PARD3B: variants seen among roughly 807,000 people sequenced by gnomAD.
PARD3B encodes par-3 family cell polarity regulator beta.
PARD3B carries 103 observed loss-of-function variants against 130.2 expected under a neutral mutation model. The observed-to-expected ratio is 0.79, with a 90% CI of 0.67 to 0.93. The LOEUF (loss-of-function observed/expected upper bound fraction) is 0.93. Ranked by LOEUF, PARD3B falls within the 40% of genes least tolerant of loss-of-function variation. The pLI is 0.00. For synonymous variants in PARD3B, 583 were observed against 553.2 expected, an observed-to-expected ratio of 1.05 and a Z score of -0.76; for missense variants, 1,609 against 1,499.2, an observed-to-expected ratio of 1.07 and a Z score of -1.21.
rs529437340 is a variant in PARD3B at position 204,967,453 on chromosome 2, A to T, written c.394+2130A>T. On this transcript the variant is annotated intron_variant, in intron 3 of 22. Transcript: ENST00000406610. The surrounding 1 kb of genome is among the most constrained non-coding windows in gnomAD (Gnocchi z 4.4). Reference sequence around the variant, plus strand: ...GCTGCCTTTCTAAATCACAAATCTGATTATGTAATATAACTCCCCTGCTTA... The same window carrying T: ...GCTGCCTTTCTAAATCACAAATCTGTTTATGTAATATAACTCCCCTGCTTA... Among the ~76,000 whole-genome samples, 1 of 152,208 alleles carries T rather than the reference A, an allele frequency of 6.6e-6. No individual in the cohort carries two copies. The highest frequency in any genetic ancestry group is 6.5e-5 in the Admixed American group (1 of 15,288).
chr2:205,522,291 T>C (rs895979507), intron 21 of PARD3B, among the ~76,000 whole-genome samples: 77 of 151,888 alleles, frequency 5.1e-4, no homozygotes, highest in African/African-American at 1.6e-3. Flanking sequence ...TCTTTTTTTT[T>C]CTAAGTATTC....
intron 3 of PARD3B, among the ~76,000 whole-genome samples, chr2:205,038,551 AC>A (rs931067517): frequency 1.3e-5 from 2 of 152,212 alleles, no homozygotes; most frequent in African/African-American, 4.8e-5. Flanking sequence ...TAATAGTTCA[AC>A]CCACTTCAAG....
intron 14 of PARD3B, among the ~76,000 whole-genome samples, chr2:205,186,993 A>G (rs1460468504): frequency 6.6e-6 from 1 of 152,218 alleles, no homozygotes; most frequent in Non-Finnish European, 1.5e-5. Context: ...AAGCTGAATC[A>G]GATATAAACC....
chr2:205,188,443 A>G (rs2036213822), intron 14 of PARD3B, among the ~76,000 whole-genome samples: 1 of 152,200 alleles, frequency 6.6e-6, no homozygotes, highest in East Asian at 1.9e-4. Context: ...CAGGCAGAGC[A>G]GTTTCAGTGA....
chr2:204,684,795 T>C (rs983893173), intron 1 of PARD3B, among the ~76,000 whole-genome samples: 1 of 152,214 alleles, frequency 6.6e-6, no homozygotes, highest in South Asian at 2.1e-4. Context: ...TAGTAAATCA[T>C]TGGTGTTTGC....
chr2:204,934,370 C>A (rs1234749695), intron 2 of PARD3B, among the ~76,000 whole-genome samples: 1 of 152,168 alleles, frequency 6.6e-6, no homozygotes, highest in Non-Finnish European at 1.5e-5. Flanking sequence ...ATGAACACTG[C>A]TAGTTTCGGG....
At chr2:204,979,969 A>T (rs998134858) in intron 3 of PARD3B, among the ~76,000 whole-genome samples, 1 of 152,200 alleles carries the variant, frequency 6.6e-6, no homozygotes, top group African/African-American at 2.4e-5. Context: ...AGTGATAGCC[A>T]TGGGAAAAAT....
chr2:205,069,774 C>G (rs1406983304), intron 4 of PARD3B, among the ~76,000 whole-genome samples: 1 of 152,056 alleles, frequency 6.6e-6, no homozygotes, highest in East Asian at 1.9e-4. Context: ...TCCCTGGCAC[C>G]AGCAGCAGGC....
chr2:204,779,658 C>T (rs1362518432), intron 2 of PARD3B, among the ~76,000 whole-genome samples: 1 of 152,118 alleles, frequency 6.6e-6, no homozygotes, highest in Non-Finnish European at 1.5e-5. Context: ...TATTAAATAA[C>T]CAGGGCTTCA....
intron 18 of PARD3B, among the ~76,000 whole-genome samples, chr2:205,386,058 T>A (rs1369852860): frequency 6.6e-6 from 1 of 152,214 alleles, no homozygotes; most frequent in Non-Finnish European, 1.5e-5. Flanking sequence ...GGCTTTTATA[T>A]ATTCTACAAA....
chr2:204,897,905 T>C (rs1022967529), intron 2 of PARD3B, among the ~76,000 whole-genome samples: 1 of 150,936 alleles, frequency 6.6e-6, no homozygotes, highest in Non-Finnish European at 1.5e-5. Flanking sequence ...AAATACCTGA[T>C]AGGCCTTGGT....
chr2:204,720,863 C>T (rs2125319404), intron 2 of PARD3B, among the ~76,000 whole-genome samples: 1 of 152,234 alleles, frequency 6.6e-6, no homozygotes, highest in South Asian at 2.1e-4. Flanking sequence ...AACCAAGCAT[C>T]TTGCGCTCAG....
chr2:204,569,255 AT>A lies in PARD3B; in HGVS notation c.120+23141del, dbSNP rs556531221. ...TCCATGCGTATAGCTCTTATCTTTT[AT>A]TTTTCATGAAACCAAAGGTTGTGAT... On this transcript the variant is annotated intron_variant, in intron 1 of 22. Coordinates refer to ENST00000406610, the MANE Select transcript of PARD3B (RefSeq NM_001302769.2). Among the ~76,000 whole-genome samples the A allele has an allele frequency of 2.6e-5, 4 of 152,226 alleles. No individual in the cohort carries two copies. The South Asian group carries it at 8.3e-4, about 32-fold the overall frequency.
chr2:204,791,773 T>C (rs1223075342), intron 2 of PARD3B, among the ~76,000 whole-genome samples: 2 of 152,248 alleles, frequency 1.3e-5, no homozygotes, highest in African/African-American at 4.8e-5. Flanking sequence ...TCATTAACCT[T>C]GTCTACATAC....
intron 1 of PARD3B, among the ~76,000 whole-genome samples, chr2:204,657,781 G>A (rs2035685946): frequency 6.6e-6 from 1 of 152,118 alleles, no homozygotes; most frequent in Non-Finnish European, 1.5e-5. Flanking sequence ...TAGTATGTAT[G>A]ATCATAATTT....
chr2:204,576,059 C>T (rs1574486814), intron 1 of PARD3B, among the ~76,000 whole-genome samples: 1 of 152,124 alleles, frequency 6.6e-6, no homozygotes, highest in African/African-American at 2.4e-5. Context: ...GGACCCACTT[C>T]CCCCTAATCT....
rs567863034 is a variant in PARD3B at position 205,216,383 on chromosome 2, A to G, written c.2140+23063A>G. ...TGACGCATGGCTTATAAATCAAAGA[A>G]GAAAGTTTGGCAAAATGTTAATATT... On this transcript the variant is annotated intron_variant, in intron 15 of 22. Transcript: ENST00000406610. Among the ~76,000 whole-genome samples, 287 of 152,302 alleles carry G rather than the reference A, an allele frequency of 1.9e-3. 1 individual carries two copies. Among genetic ancestry groups the G allele is most frequent in the African/African-American group, 6.6e-3 (275 of 41,564 alleles).
intron 2 of PARD3B, among the ~76,000 whole-genome samples, chr2:204,957,363 A>G (rs1051736301): frequency 6.6e-6 from 1 of 152,172 alleles, no homozygotes; most frequent in Non-Finnish European, 1.5e-5. Flanking sequence ...TGATAAGGAT[A>G]AATAGGGTTT....
At chr2:205,275,971 G>A (rs2040932208) in intron 16 of PARD3B, among the ~76,000 whole-genome samples, 1 of 151,510 alleles carries the variant, frequency 6.6e-6, no homozygotes, top group African/African-American at 2.4e-5. Flanking sequence ...ATGGTTATGA[G>A]AATGGTGTTT....
Sources: gnomAD v4.1 joint callset for allele counts (sites outside exome capture counted in the v4.1 genomes callset) on GRCh38, gnomAD v4.1.1 for gene constraint, Gnocchi (gnomAD v3.1) non-coding constraint, MANE v1.5 for transcripts, NCBI Gene and HGNC (gene_info 2026-07-23, HGNC 2026-07-21) for gene names.